UBTD2: variants seen among roughly 807,000 people sequenced by gnomAD.
UBTD2 encodes ubiquitin domain containing 2, also known as ubiquitin domain-containing protein 2.
Under a neutral mutation model 19.8 loss-of-function variants are expected in UBTD2, and 9 were observed. The ratio of observed to expected loss-of-function variants is 0.46; its 90% confidence interval spans 0.27 to 0.79. The LOEUF (loss-of-function observed/expected upper bound fraction) is 0.79, where lower values mean the gene tolerates loss of function less well. Among genes scored for constraint, UBTD2 ranks in the 30% least tolerant of loss-of-function variants. The pLI is 0.14. For missense variants in UBTD2, 250 were observed against 300.4 expected, an observed-to-expected ratio of 0.83 and a Z score of 1.24; for synonymous variants, 98 against 103.9, an observed-to-expected ratio of 0.94 and a Z score of 0.35.
At chr5:172,216,882 C>A (rs181037521) in intron 2 of UBTD2, among the ~76,000 whole-genome samples, 1 of 152,138 alleles carries the variant, frequency 6.6e-6, no homozygotes, top group African/African-American at 2.4e-5. Context: ...GAGGGGATCA[C>A]TTGAGCCCGG....
intron 2 of UBTD2, among the ~76,000 whole-genome samples, chr5:172,215,581 C>T (rs940572284): frequency 1.4e-4 from 22 of 152,168 alleles, no homozygotes; most frequent in African/African-American, 5.3e-4. Context: ...GGCAAAAAAA[C>T]AGTTTTTTAG....
chr5:172,217,257 CA>C (rs35402005), intron 2 of UBTD2, among the ~76,000 whole-genome samples: 49,333 of 145,204 alleles, frequency 0.34, 8,181 homozygotes, highest in South Asian at 0.42. Flanking sequence ...AGTAAAAATA[CA>C]AAAAAAAAAA....
chr5:172,284,046 C>T (rs1581239543), upstream of UBTD2: 1 of 149,706 alleles, frequency 6.7e-6, no homozygotes, highest in Non-Finnish European at 1.5e-5. Flanking sequence ...TCCGCCAGGA[C>T]CCATCGGCCC....
intron 2 of UBTD2, among the ~76,000 whole-genome samples, chr5:172,220,472 C>T (rs1445952993): frequency 6.6e-6 from 1 of 152,164 alleles, no homozygotes; most frequent in Non-Finnish European, 1.5e-5. Context: ...TCCATCTCTA[C>T]TAAAAATACA....
In UBTD2 at chr5:172,243,554, C is replaced by CTT. The variant is rs58327908; in HGVS notation, c.71-9198_71-9197dup. Among the ~76,000 whole-genome samples the CTT allele has an allele frequency of 2.8e-4, 28 of 101,090 alleles. 3 individuals carry two copies. Among genetic ancestry groups the CTT allele is most frequent in the African/African-American group, 3.1e-4 (8 of 25,480 alleles). The allele number at this position is 101,090 out of a possible 152,430, so 66.3% of individuals were successfully genotyped here. A position where few individuals can be genotyped will look rare whatever the true frequency, so the allele number is the denominator to read the frequency against. Reference sequence around the variant, plus strand: ...TCCAGCCTCCAGAATTGTGAGAAACCTTTTTTTTTTTTTTTTTTTTTTTAA... The same window carrying CTT: ...TCCAGCCTCCAGAATTGTGAGAAACCTTTTTTTTTTTTTTTTTTTTTTTTTAA... On this transcript the variant is annotated intron_variant, in intron 1 of 2. Transcript: ENST00000393792.
At chr5:172,241,000 T>C (rs1772115772) in intron 1 of UBTD2, among the ~76,000 whole-genome samples, 1 of 151,856 alleles carries the variant, frequency 6.6e-6, no homozygotes, top group Non-Finnish European at 1.5e-5. Flanking sequence ...GTATATAAAC[T>C]CTAAGATGGT....
chr5:172,229,054 G>GA (rs1192692826), intron 2 of UBTD2, among the ~76,000 whole-genome samples: 1 of 151,996 alleles, frequency 6.6e-6, no homozygotes, highest in Non-Finnish European at 1.5e-5. Flanking sequence ...AAGGACAAAA[G>GA]AAACAGGTCC....
At chr5:172,273,739 T>C (rs1243006948) in intron 1 of UBTD2, among the ~76,000 whole-genome samples, 1 of 152,216 alleles carries the variant, frequency 6.6e-6, no homozygotes, top group East Asian at 1.9e-4. Flanking sequence ...ATTTTTAATG[T>C]AAACTCTAGT....
At chr5:172,236,919 G>A (rs990139422) in intron 1 of UBTD2, among the ~76,000 whole-genome samples, 1 of 151,880 alleles carries the variant, frequency 6.6e-6, no homozygotes, top group Non-Finnish European at 1.5e-5. Flanking sequence ...TCATAATAAG[G>A]GTACAAAGTA....
intron 2 of UBTD2, among the ~76,000 whole-genome samples, chr5:172,226,286 A>G (rs1387617388): frequency 1.3e-5 from 2 of 149,694 alleles, no homozygotes; most frequent in African/African-American, 4.9e-5. Flanking sequence ...TGATAGAGGG[A>G]CATAAGACTC....
At chr5:172,218,901 C>T (rs10050457) in intron 2 of UBTD2, among the ~76,000 whole-genome samples, 13 of 151,010 alleles carry the variant, frequency 8.6e-5, no homozygotes, top group Middle Eastern at 3.4e-3. Flanking sequence ...TAAGCCTCTA[C>T]CCAGGCTAGC....
Position 172,212,488 on chromosome 5 carries a change from T to C in UBTD2, c.308-261A>G, listed in dbSNP as rs3756506. 2.3e-4 allele frequency among the ~76,000 whole-genome samples: 35 copies of C among 152,340 alleles called. 1 individual carries two copies. The East Asian group carries it at 6.6e-3, about 29-fold the overall frequency. On this transcript the variant is annotated intron_variant, in intron 2 of 2. Coordinates refer to ENST00000393792, the MANE Select transcript of UBTD2 (RefSeq NM_152277.3). ...TTTTCACAATTTCATTAAAATGGCA[T>C]ACAACTCAAATGTACTACTAATATT... is the stretch of plus-strand genomic sequence containing the variant.
At chr5:172,254,996 G>A (rs558772453) in intron 1 of UBTD2, 5 of 560,236 alleles carry the variant, frequency 8.9e-6, no homozygotes, top group Admixed American at 4.1e-5. Flanking sequence ...CACCACCACC[G>A]GCTGGATGAC....
At chr5:172,254,988 C>T (rs1755109537) in intron 1 of UBTD2, 5 of 562,752 alleles carry the variant, frequency 8.9e-6, no homozygotes, top group Middle Eastern at 5.8e-4. Context: ...ATGGGCTGCA[C>T]CACCACCGGC....
At position 172,283,581 on chromosome 5, in the gene UBTD2, C is replaced by T; in HGVS notation, c.70+15G>A. ...AACAATGGGGGGCCGAGGCTGCCCC[C>T]TGGCGCTCACCTACCTCCGGTGCCC... On this transcript the variant is annotated intron_variant, in intron 1 of 2. Transcript: ENST00000393792. This position sits in a 1 kb window ranked among gnomAD's most constrained non-coding sequence, Gnocchi z 4.3. 1 of 1,300,958 alleles carries T rather than the reference C, an allele frequency of 7.7e-7. No homozygotes were observed. The allele number at this position is 1,300,958 out of a possible 1,614,324, so 80.6% of individuals were successfully genotyped here. A position where few individuals can be genotyped will look rare whatever the true frequency, so the allele number is the denominator to read the frequency against.
intron 1 of UBTD2, among the ~76,000 whole-genome samples, chr5:172,239,636 G>C (rs1772087502): frequency 6.6e-6 from 1 of 152,016 alleles, no homozygotes; most frequent in Admixed American, 6.6e-5. Context: ...GGTCAGGCTG[G>C]TCTCGAACTC....
At chr5:172,234,716 G>A (rs1334988748) in intron 1 of UBTD2, among the ~76,000 whole-genome samples, 1 of 152,110 alleles carries the variant, frequency 6.6e-6, no homozygotes, top group Non-Finnish European at 1.5e-5. Context: ...AGACTAGCCT[G>A]GGCAACATGG....
chr5:172,234,284 G>A lies in UBTD2; in HGVS notation c.145C>T (p.Gln49Ter). The change falls in exon 2 of 3, where the codon CAA becomes TAA. Residue 49 changes from glutamine (Q) to a stop codon, truncating the protein, a stop_gained. Coordinates refer to ENST00000393792, the MANE Select transcript of UBTD2 (RefSeq NM_152277.3). LOFTEE classifies it high-confidence loss of function. ...WKSDYPMTDG[Q>*]LRSKRDEFWD... ...AATTCATCCCTCTTGCTGCGTAGTT[G>A]TCCATCTGTCATAGGATAATCGCTT... 2 of 1,614,166 alleles carry A rather than the reference G, an allele frequency of 1.2e-6. No homozygotes were observed. The highest frequency in any genetic ancestry group is 8.5e-7 in the Non-Finnish European group (1 of 1,180,040).
chr5:172,212,268 T>G lies in UBTD2; in HGVS notation c.308-41A>C, dbSNP rs373712878. 10 of 1,536,764 alleles carry G rather than the reference T, an allele frequency of 6.5e-6. No homozygotes were observed. In the African/African-American group the frequency reaches 1.2e-4, roughly 19 times the overall value. On this transcript the variant is annotated intron_variant, in intron 2 of 2. Coordinates refer to ENST00000393792, the MANE Select transcript of UBTD2 (RefSeq NM_152277.3). ...ATATGAATAAGAACTTAATCCTTAATGAATGCATTTTTGTTTATGCCTCAC... is the reference window on the plus strand; with the variant it reads ...ATATGAATAAGAACTTAATCCTTAAGGAATGCATTTTTGTTTATGCCTCAC...
Sources: gnomAD v4.1 joint callset for allele counts (sites outside exome capture counted in the v4.1 genomes callset) on GRCh38, gnomAD v4.1.1 for gene constraint, Gnocchi (gnomAD v3.1) non-coding constraint, MANE v1.5 for transcripts, NCBI Gene and HGNC (gene_info 2026-07-23, HGNC 2026-07-21) for gene names.